PTPRD: variants seen among roughly 807,000 people sequenced by gnomAD.
PTPRD encodes the protein receptor-type tyrosine-protein phosphatase delta.
Under a neutral mutation model 214.5 loss-of-function variants are expected in PTPRD, and 34 were observed. The observed-to-expected ratio is 0.16, with a 90% CI of 0.12 to 0.21. The LOEUF is 0.21. Ranked by LOEUF, PTPRD falls within the 10% of genes least tolerant of loss-of-function variation. The pLI, the probability that PTPRD is intolerant of heterozygous loss-of-function variation, is 1.00. For synonymous variants in PTPRD, 1,128 were observed against 845.7 expected (o/e 1.33, Z -5.79); for missense variants, 2,545 against 2,398.7 (o/e 1.06, Z -1.27).
chr9:9,530,390 G>A (rs1452067646), intron 8 of PTPRD, among the ~76,000 whole-genome samples: 1 of 152,114 alleles, frequency 6.6e-6, no homozygotes, highest in Non-Finnish European at 1.5e-5. Context: ...ACACATAGAG[G>A]AAATGGATAA....
chr9:9,267,139 C>A (rs1940248537), intron 9 of PTPRD, among the ~76,000 whole-genome samples: 1 of 151,140 alleles, frequency 6.6e-6, no homozygotes, highest in Admixed American at 6.6e-5. Flanking sequence ...TGAAACATCA[C>A]TATGTACTGA....
At chr9:10,115,896 AAAC>A (rs1274287682) in intron 3 of PTPRD, among the ~76,000 whole-genome samples, 3 of 152,118 alleles carry the variant, frequency 2.0e-5, no homozygotes, top group African/African-American at 7.2e-5. Flanking sequence ...TCCTAAGTAA[AAAC>A]AAAATCTCTT....
In PTPRD at chr9:10,002,296, C is replaced by T. The variant is rs186487355; in HGVS notation, c.-472+31422G>A. On this transcript the variant is annotated intron_variant, in intron 4 of 45. Coordinates refer to ENST00000381196, the MANE Select transcript of PTPRD (RefSeq NM_002839.4). Reference sequence around the variant, plus strand: ...CATACAAAAAAAGTAAAATGGCATGCATAAATGTTACTTTATAATTTGTCT... The same window carrying T: ...CATACAAAAAAAGTAAAATGGCATGTATAAATGTTACTTTATAATTTGTCT... Among the ~76,000 whole-genome samples the T allele has an allele frequency of 3.2e-3, 461 of 145,992 alleles. 4 individuals are homozygous for T. The highest frequency in any genetic ancestry group is 0.013 in the Admixed American group (187 of 14,256).
intron 11 of PTPRD, among the ~76,000 whole-genome samples, chr9:8,933,339 G>GTTTTTTTTTTTTTTTTTTTTTTTTTTTTT: frequency 1.5e-5 from 1 of 68,828 alleles, no homozygotes; most frequent in Non-Finnish European, 2.4e-5. Flanking sequence ...ACAACCTTGA[G>GTTTTTTTTTTTTTTTTTTTTTTTTTTTTT]GTTTTTTTTT....
At chr9:10,549,414 T>A (rs1275556179) in intron 2 of PTPRD, among the ~76,000 whole-genome samples, 2 of 152,074 alleles carry the variant, frequency 1.3e-5, no homozygotes, top group African/African-American at 2.4e-5. Context: ...AGAAAAAAAA[T>A]TGTCTATCAT....
At chr9:9,702,080 A>G (rs1193935938) in intron 7 of PTPRD, among the ~76,000 whole-genome samples, 1 of 152,176 alleles carries the variant, frequency 6.6e-6, no homozygotes, top group African/African-American at 2.4e-5. Context: ...AGATTGTGCC[A>G]CTGCACTCCA....
At chr9:8,752,853 A>T (rs2093659013) in intron 11 of PTPRD, among the ~76,000 whole-genome samples, 2 of 152,204 alleles carry the variant, frequency 1.3e-5, no homozygotes, top group South Asian at 4.1e-4. Flanking sequence ...TGATCCAGAG[A>T]ATTGAGATAA....
chr9:8,453,992 G>C (rs1457119996), intron 33 of PTPRD, among the ~76,000 whole-genome samples: 3 of 152,172 alleles, frequency 2.0e-5, no homozygotes, highest in Non-Finnish European at 2.9e-5. Flanking sequence ...TGAATATATA[G>C]ATATGAGTTA....
At chr9:9,607,693 T>C (rs2094253766) in intron 7 of PTPRD, among the ~76,000 whole-genome samples, 1 of 151,814 alleles carries the variant, frequency 6.6e-6, no homozygotes, top group Non-Finnish European at 1.5e-5. Context: ...AAGAGTCAGT[T>C]ACCACTATTG....
chr9:8,960,422 A>T (rs1160366922), intron 11 of PTPRD, among the ~76,000 whole-genome samples: 1 of 152,128 alleles, frequency 6.6e-6, no homozygotes, highest in Non-Finnish European at 1.5e-5. Context: ...AGGGACGTGT[A>T]CTAGGACATT....
At chr9:8,341,512 G>A (rs1389072814) in intron 40 of PTPRD, among the ~76,000 whole-genome samples, 181 bp downstream of exon 40, 1 of 152,022 alleles carries the variant, frequency 6.6e-6, no homozygotes, top group Non-Finnish European at 1.5e-5. Context: ...TCAAGATATT[G>A]TTAGGAAGCA....
intron 11 of PTPRD, among the ~76,000 whole-genome samples, chr9:8,851,231 C>T (rs1566611361): frequency 6.6e-6 from 1 of 150,498 alleles, no homozygotes; most frequent in Non-Finnish European, 1.5e-5. Flanking sequence ...TATTCTGCTT[C>T]AGTATTTTAA....
intron 44 of PTPRD, among the ~76,000 whole-genome samples, chr9:8,322,517 A>C (rs1263339698): frequency 6.6e-6 from 1 of 152,206 alleles, no homozygotes; most frequent in Non-Finnish European, 1.5e-5. Context: ...AGCCTAGGCC[A>C]GAGCAAGGCC....
At position 10,361,488 on chromosome 9, in the gene PTPRD, G is replaced by A. The variant is rs543891755; in HGVS notation, c.-599-20471C>T. 5.3e-5 allele frequency among the ~76,000 whole-genome samples: 8 copies of A among 152,094 alleles called. No homozygotes were observed. The South Asian group carries it at 1.0e-3, about 20-fold the overall frequency. On this transcript the variant is annotated intron_variant, in intron 2 of 45. Transcript: ENST00000381196. ...AGTAGCAGAGTGGACAGTTGGGTGT[G>A]GGGCAGGAAAAAAAGGGGCTGAAAG...
chr9:8,486,446 A>G (rs1285458107), intron 27 of PTPRD, 97 bp from the exon 28 acceptor site: 1 of 1,068,406 alleles, frequency 9.4e-7, no homozygotes, highest in Non-Finnish European at 1.5e-6. Context: ...TGGTATTCCC[A>G]TTTTCTTACT....
intron 8 of PTPRD, among the ~76,000 whole-genome samples, chr9:9,479,171 T>A (rs1245884377): frequency 6.7e-6 from 1 of 148,742 alleles, no homozygotes; most frequent in Non-Finnish European, 1.5e-5. Context: ...ATAGTTCTTA[T>A]ATGAGGAGAT....
At chr9:10,122,585 C>G (rs766485426) in intron 3 of PTPRD, among the ~76,000 whole-genome samples, 6 of 152,008 alleles carry the variant, frequency 3.9e-5, no homozygotes, top group Non-Finnish European at 8.8e-5. Context: ...GCCTACTGAA[C>G]GTAAGTATAT....
chr9:8,797,475 T>C (rs939893131), intron 11 of PTPRD, among the ~76,000 whole-genome samples: 15 of 152,206 alleles, frequency 9.9e-5, no homozygotes, highest in African/African-American at 3.4e-4. Context: ...GTCTAAGCGA[T>C]ATATGATGCA....
chr9:8,714,619 C>T (rs542996953), intron 12 of PTPRD, among the ~76,000 whole-genome samples: 2 of 152,156 alleles, frequency 1.3e-5, no homozygotes, highest in Non-Finnish European at 2.9e-5. Context: ...CAAGGTCCTG[C>T]CCTAGGGTCT....
Sources: gnomAD v4.1 joint callset for allele counts (sites outside exome capture counted in the v4.1 genomes callset) on GRCh38, gnomAD v4.1.1 for gene constraint, MANE v1.5 for transcripts, NCBI Gene and HGNC (gene_info 2026-07-23, HGNC 2026-07-21) for gene names.